The following RALGPS1 variants were observed in gnomAD, a reference collection of about 807,000 sequenced individuals.
RALGPS1 encodes ras-specific guanine nucleotide-releasing factor RalGPS1.
Under a neutral mutation model 78.8 loss-of-function variants are expected in RALGPS1, and 19 were observed. That is an observed-to-expected ratio of 0.24 (90% CI 0.17 to 0.35). RALGPS1 has a LOEUF of 0.35. RALGPS1 is among the 10% of genes least tolerant of loss of function. The probability of loss-of-function intolerance (pLI) is 1.00; values close to 1 mark genes in which losing one functional copy is unlikely to be tolerated. For missense variants in RALGPS1, 454 were observed against 688.3 expected (o/e 0.66, Z 3.81); for synonymous variants, 228 against 256.3 (o/e 0.89, Z 1.06).
intron 5 of RALGPS1, among the ~76,000 whole-genome samples, chr9:127,038,036 C>G (rs1384149516): frequency 1.3e-5 from 2 of 152,212 alleles, no homozygotes; most frequent in Non-Finnish European, 2.9e-5. Context: ...CATAGACCTT[C>G]TTTTCTCTTG....
At chr9:126,933,886 G>T (rs1440050682) in intron 1 of RALGPS1, among the ~76,000 whole-genome samples, 1 of 152,176 alleles carries the variant, frequency 6.6e-6, no homozygotes, top group Non-Finnish European at 1.5e-5. Flanking sequence ...TGCACCTGTG[G>T]CAGGAGAGTT....
Position 127,069,265 on chromosome 9 carries a change from A to G in RALGPS1, c.519A>G (p.Lys173=). The G allele has an allele frequency of 6.2e-7, 1 of 1,612,008 alleles. No individual in the cohort carries two copies. The highest frequency in any genetic ancestry group is 8.5e-7 in the Non-Finnish European group (1 of 1,178,220). The change falls in exon 8 of 19, where the codon AAA becomes AAG. Residue 173 remains lysine, a synonymous_variant. Coordinates refer to ENST00000259351, the MANE Select transcript of RALGPS1 (RefSeq NM_014636.3). ...GAAAAGACAAGACTACCTTTGAGAA[A>G]TTGGACTACCTGATGTCGAAAGAAG... ...LNRKDKTTFE[K]LDYLMSKEDN...
chr9:127,039,531 G>A (rs1225468386), intron 5 of RALGPS1, among the ~76,000 whole-genome samples: 1 of 152,140 alleles, frequency 6.6e-6, no homozygotes, highest in Non-Finnish European at 1.5e-5. Flanking sequence ...GTGGTTGCAT[G>A]CTTTTTTCTT....
At chr9:127,049,984 C>A in intron 5 of RALGPS1, 59 bp from the exon 6 acceptor site, 1 of 1,277,886 alleles carries the variant, frequency 7.8e-7, no homozygotes, top group Non-Finnish European at 1.1e-6. Context: ...ACGGGTGGTC[C>A]AGCAATTAAC....
At chr9:127,054,996 T>TGAGAGAGAGAGAGAGAGAGA (rs10555826) in intron 7 of RALGPS1, among the ~76,000 whole-genome samples, 3 of 139,214 alleles carry the variant, frequency 2.2e-5, no homozygotes, top group Non-Finnish European at 4.6e-5. Flanking sequence ...AGAGATTGAT[T>TGAGAGAGAGAGAGAGAGAGA]GAGAGAGAGA....
intron 8 of RALGPS1, among the ~76,000 whole-genome samples, chr9:127,089,615 G>A (rs1200403267): frequency 6.6e-6 from 1 of 152,172 alleles, no homozygotes; most frequent in Non-Finnish European, 1.5e-5. Flanking sequence ...AGTCTTTAAA[G>A]AATGACAAAG....
At chr9:127,072,323 C>G (rs2050278998) in intron 8 of RALGPS1, among the ~76,000 whole-genome samples, 1 of 152,156 alleles carries the variant, frequency 6.6e-6, no homozygotes, top group South Asian at 2.1e-4. Context: ...AGTGATCCTC[C>G]CGCCTCAGCC....
intron 11 of RALGPS1, among the ~76,000 whole-genome samples, chr9:127,192,514 G>T (rs983694279): frequency 9.8e-5 from 15 of 152,346 alleles, no homozygotes; most frequent in African/African-American, 3.6e-4. Context: ...GCCAGGCCTG[G>T]TGGCACCCTC....
intron 5 of RALGPS1, among the ~76,000 whole-genome samples, chr9:127,041,477 T>G (rs75972442): frequency 6.6e-6 from 1 of 152,164 alleles, no homozygotes; most frequent in East Asian, 1.9e-4. Flanking sequence ...AATGAATGAG[T>G]GTGTGGCTTC....
chr9:126,945,063 C>G (rs998334725), intron 1 of RALGPS1, among the ~76,000 whole-genome samples: 2 of 152,170 alleles, frequency 1.3e-5, no homozygotes, highest in African/African-American at 4.8e-5. Context: ...CAGGAGGCAG[C>G]CCAGGAGGCT....
chr9:126,957,769 C>T (rs781184812), intron 1 of RALGPS1, among the ~76,000 whole-genome samples: 1 of 152,056 alleles, frequency 6.6e-6, no homozygotes. Context: ...CTTTCCTTGC[C>T]TCCAGGGGCT....
intron 8 of RALGPS1, among the ~76,000 whole-genome samples, chr9:127,104,811 G>A (rs901582152): frequency 2.6e-5 from 4 of 152,216 alleles, no homozygotes; most frequent in Admixed American, 6.5e-5. Context: ...GCCAAGGCTC[G>A]GATGCAAAGG....
chr9:127,136,851 G>A (rs899473054), intron 8 of RALGPS1, among the ~76,000 whole-genome samples: 1 of 152,110 alleles, frequency 6.6e-6, no homozygotes, highest in Non-Finnish European at 1.5e-5. Context: ...GCCTCTGACC[G>A]CATGGAGTCA....
In RALGPS1 at chr9:127,050,814, C is replaced by T. The variant is rs147566498; in HGVS notation, c.390+682C>T. Among the ~76,000 whole-genome samples, 322 of 152,340 alleles carry T rather than the reference C, an allele frequency of 2.1e-3. 2 individuals are homozygous for T. Among genetic ancestry groups the T allele is most frequent in the Middle Eastern group, 0.02 (6 of 294 alleles). On this transcript the variant is annotated intron_variant, in intron 6 of 18. Coordinates refer to ENST00000259351, the MANE Select transcript of RALGPS1 (RefSeq NM_014636.3). ...CTTGCCTGACTCTCAGCCGCAGCAT[C>T]GTGCTGGCTGTTTCGCTGCTTGCTT... is the stretch of plus-strand genomic sequence containing the variant.
chr9:126,968,973 A>G lies in RALGPS1; in HGVS notation c.165+3022A>G, dbSNP rs560437551. On this transcript the variant is annotated intron_variant, in intron 3 of 18. Coordinates refer to ENST00000259351, the MANE Select transcript of RALGPS1 (RefSeq NM_014636.3). ...TGAGGCAGGAGAATCACTTGAACCC[A>G]GGAGGCAGAGGTTGCGGTGAGCCGA... Among the ~76,000 whole-genome samples, 57 of 152,198 alleles carry G rather than the reference A, an allele frequency of 3.7e-4. 1 individual carries two copies. The highest frequency in any genetic ancestry group is 6.8e-3 in the Middle Eastern group (2 of 294).
intron 14 of RALGPS1, among the ~76,000 whole-genome samples, chr9:127,209,754 A>T (rs952484432): frequency 6.6e-6 from 1 of 152,168 alleles, no homozygotes; most frequent in East Asian, 1.9e-4. Context: ...GCCCCTGGGC[A>T]GGTACGATGT....
chr9:127,107,373 A>G (rs1011557623), intron 8 of RALGPS1, among the ~76,000 whole-genome samples: 4 of 152,248 alleles, frequency 2.6e-5, no homozygotes, highest in African/African-American at 9.6e-5. Context: ...ATATGGAAGC[A>G]TCATTGAAAA....
intron 14 of RALGPS1, 25 bp downstream of exon 14, chr9:127,199,091 C>T (rs2140672259): frequency 1.2e-6 from 2 of 1,609,904 alleles, no homozygotes; most frequent in East Asian, 2.2e-5. Context: ...AGCATGGCCT[C>T]CCTCCCAGGG....
At chr9:126,924,577 T>A (rs1377507961) in intron 1 of RALGPS1, among the ~76,000 whole-genome samples, 1 of 152,242 alleles carries the variant, frequency 6.6e-6, no homozygotes, top group African/African-American at 2.4e-5. Context: ...ATCTTTGGTG[T>A]GCATGCATCC....
Sources: gnomAD v4.1 joint callset for allele counts (sites outside exome capture counted in the v4.1 genomes callset) on GRCh38, gnomAD v4.1.1 for gene constraint, MANE v1.5 for transcripts, NCBI Gene and HGNC (gene_info 2026-07-23, HGNC 2026-07-21) for gene names.